Variants in SNAP47 observed in about 807,000 individuals in gnomAD.
The protein encoded by SNAP47 is synaptosomal-associated protein 47.
A neutral mutation model predicts 31.4 loss-of-function variants in SNAP47; 20 were observed. The ratio of observed to expected loss-of-function variants is 0.64; its 90% confidence interval spans 0.45 to 0.93. SNAP47 has a LOEUF of 0.93. SNAP47 is among the 40% of genes least tolerant of loss of function. The pLI, the probability that SNAP47 is intolerant of heterozygous loss-of-function variation, is 0.00. For synonymous variants in SNAP47, 194 were observed against 213.4 expected (o/e 0.91, Z 0.79); for missense variants, 492 against 528.5 (o/e 0.93, Z 0.68).
intron 4 of SNAP47, chr1:227,776,357 C>T: frequency 1.0e-6 from 1 of 988,062 alleles, no homozygotes; most frequent in Non-Finnish European, 1.2e-6. Flanking sequence ...ACCCAAAGCA[C>T]TTTTAATCAG....
chr1:227,736,907 C>T (rs1249368546), intron 1 of SNAP47, among the ~76,000 whole-genome samples: 1 of 152,044 alleles, frequency 6.6e-6, no homozygotes, highest in Admixed American at 6.6e-5. Flanking sequence ...AAGGGATGTC[C>T]TCCCTAGGTA....
rs1019347049 is a variant in SNAP47, at chr1:227,762,220, T to C, written c.988+2735T>C. ...GGACTGTTGTGCCACCTTTCCGTGC[T>C]CACTTTCACCCCCATGGGCAACCTG... On this transcript the variant is annotated intron_variant, in intron 3 of 4. Transcript: ENST00000617596. The surrounding 1 kb of genome is among the most constrained non-coding windows in gnomAD (Gnocchi z 4.2). Among the ~76,000 whole-genome samples the C allele has an allele frequency of 6.6e-6, 1 of 152,214 alleles. No homozygotes were observed. The highest frequency in any genetic ancestry group is 2.4e-5 in the African/African-American group (1 of 41,452).
At chr1:227,733,836 C>A, upstream of SNAP47, 2 of 1,598,460 alleles carry the variant, frequency 1.3e-6, no homozygotes, top group Non-Finnish European at 1.7e-6. Context: ...CCCCCTCCTG[C>A]CACCCTGGGC....
At chr1:227,733,240 C>T, upstream of SNAP47, 1 of 864,678 alleles carries the variant, frequency 1.2e-6, no homozygotes, top group Non-Finnish European at 1.7e-6. Flanking sequence ...GACCCAGGGA[C>T]CGGCAGTGGG....
chr1:227,759,146 A>G lies in SNAP47; in HGVS notation c.649A>G (p.Ile217Val). The change falls in exon 3 of 5, where the codon ATT becomes GTT. Residue 217 changes from isoleucine to valine, a missense_variant. Ile to Val is a conservative substitution (Grantham distance 29). Transcript: ENST00000617596. ...GATACTGATAAAAATTCCTGCTGTT[A>G]TTTCCCACAGAACAGAGTCTCACGT... ...EGILIKIPAV[I>V]SHRTESHVKP... is the part of the protein sequence containing the mutation. 1 of 1,614,136 alleles carries G rather than the reference A, an allele frequency of 6.2e-7. No homozygotes were observed. Among genetic ancestry groups the G allele is most frequent in the Non-Finnish European group, 8.5e-7 (1 of 1,180,016 alleles).
intron 1 of SNAP47, chr1:227,736,452 A>G (rs1661171302): frequency 6.8e-6 from 1 of 146,132 alleles, no homozygotes; most frequent in South Asian, 2.2e-4. Context: ...AGGTGGGACC[A>G]GTTGGGATAC....
At chr1:227,768,344 C>G in intron 4 of SNAP47, 1 of 985,400 alleles carries the variant, frequency 1.0e-6, no homozygotes, top group Non-Finnish European at 1.2e-6. Context: ...GCTCCCCGTC[C>G]CTGAGCCTCT....
chr1:227,770,098 G>C (rs1663697445), intron 4 of SNAP47, among the ~76,000 whole-genome samples: 1 of 152,222 alleles, frequency 6.6e-6, no homozygotes, highest in African/African-American at 2.4e-5. Flanking sequence ...CGGTCCCTGT[G>C]GGCACAGGTC....
chr1:227,769,200 C>A (rs1475508627), intron 4 of SNAP47, among the ~76,000 whole-genome samples: 2 of 152,146 alleles, frequency 1.3e-5, no homozygotes, highest in African/African-American at 2.4e-5. Context: ...ATCCAGCAAG[C>A]CCAGTGGCTC....
intron 4 of SNAP47, among the ~76,000 whole-genome samples, chr1:227,778,686 T>A (rs1241489846): frequency 6.6e-6 from 1 of 152,156 alleles, no homozygotes; most frequent in East Asian, 1.9e-4. Flanking sequence ...GGGCTGAGGC[T>A]TTCTTCCCTG....
chr1:227,773,217 C>G (rs1173541820), intron 4 of SNAP47, among the ~76,000 whole-genome samples: 2 of 150,526 alleles, frequency 1.3e-5, no homozygotes, highest in African/African-American at 4.9e-5. Context: ...GCAGCCTTCC[C>G]TTCTCAGCCT....
chr1:227,768,877 C>G (rs1454694699), intron 4 of SNAP47, among the ~76,000 whole-genome samples: 3 of 152,230 alleles, frequency 2.0e-5, no homozygotes, highest in African/African-American at 7.2e-5. Flanking sequence ...TCCCACACCC[C>G]ACAAAGGTGT....
chr1:227,761,190 CTAATT>C (rs770073458), intron 3 of SNAP47, among the ~76,000 whole-genome samples: 1 of 152,172 alleles, frequency 6.6e-6, no homozygotes, highest in Non-Finnish European at 1.5e-5. Flanking sequence ...TTCGGTTTCT[CTAATT>C]TTTCTCTTAA....
chr1:227,730,202 G>A (rs2102852364), upstream of SNAP47, among the ~76,000 whole-genome samples: 1 of 152,326 alleles, frequency 6.6e-6, no homozygotes, highest in African/African-American at 2.4e-5. Flanking sequence ...CGTACCCCAG[G>A]AGGTTGGTTC....
intron 4 of SNAP47, among the ~76,000 whole-genome samples, chr1:227,778,944 TATCTC>T (rs1664306717): frequency 6.6e-6 from 1 of 152,158 alleles, no homozygotes; most frequent in Non-Finnish European, 1.5e-5. Context: ...TTATGACAAA[TATCTC>T]AGCAGGAAGG....
At chr1:227,751,868 A>G (rs1244222752) in intron 2 of SNAP47, among the ~76,000 whole-genome samples, 1 of 139,314 alleles carries the variant, frequency 7.2e-6, no homozygotes, top group Non-Finnish European at 1.5e-5. Context: ...GGTTCCTGCC[A>G]TTCTCCTGCC....
intron 1 of SNAP47, among the ~76,000 whole-genome samples, chr1:227,729,438 C>T (rs905425083): frequency 6.6e-6 from 1 of 152,132 alleles, no homozygotes; most frequent in Non-Finnish European, 1.5e-5. Context: ...TTCTGTGGGA[C>T]GCTGGCACAA....
chr1:227,739,516 C>T (rs1007073585), intron 1 of SNAP47, among the ~76,000 whole-genome samples: 5 of 152,274 alleles, frequency 3.3e-5, no homozygotes, highest in Middle Eastern at 3.4e-3. Context: ...AAAGATTGGC[C>T]GCACCCTACC....
At chr1:227,732,726 G>A, upstream of SNAP47, 1 of 1,601,886 alleles carries the variant, frequency 6.2e-7, no homozygotes, top group East Asian at 2.2e-5. Context: ...CACAGTCCAA[G>A]CTGCAAAGGA....
Sources: allele counts gnomAD v4.1 joint callset (sites outside exome capture counted in the v4.1 genomes callset), GRCh38; gene constraint gnomAD v4.1.1; non-coding constraint Gnocchi (gnomAD v3.1); transcripts MANE v1.5; gene names NCBI Gene and HGNC (gene_info 2026-07-23, HGNC 2026-07-21).